The following LINGO2 variants were observed in gnomAD, a reference collection of about 807,000 sequenced individuals.
LINGO2 encodes the protein leucine rich repeat and Ig domain containing 2.
A neutral mutation model predicts 30.6 loss-of-function variants in LINGO2; 14 were observed. The observed-to-expected ratio is 0.46, with a 90% CI of 0.30 to 0.72. The LOEUF (loss-of-function observed/expected upper bound fraction) is 0.72. LINGO2 is among the 30% of genes least tolerant of loss of function. The probability of loss-of-function intolerance (pLI) is 0.07; values close to 1 mark genes in which losing one functional copy is unlikely to be tolerated. For missense variants in LINGO2, 729 were observed against 751.7 expected, an observed-to-expected ratio of 0.97 and a Z score of 0.35; for synonymous variants, 317 against 288.5, an observed-to-expected ratio of 1.10 and a Z score of -1.00.
chr9:28,553,204 T>A (rs1457499201), intron 1 of LINGO2, among the ~76,000 whole-genome samples: 3 of 152,008 alleles, frequency 2.0e-5, no homozygotes, highest in East Asian at 1.9e-4. Context: ...TACTCTGAGC[T>A]AAGGGAGGAC....
intron 4 of LINGO2, among the ~76,000 whole-genome samples, chr9:28,056,258 C>T (rs1824938396): frequency 6.6e-6 from 1 of 151,974 alleles, no homozygotes; most frequent in Non-Finnish European, 1.5e-5. Flanking sequence ...GCACTTGGGG[C>T]GTGACTGCCC....
the LINGO2 span, chr9:27,940,138 T>G: frequency 6.6e-6 from 1 of 152,284 alleles, no homozygotes; most frequent in Non-Finnish European, 1.5e-5. Context: ...CTTTTTTTAT[T>G]TTTTAAATTT....
the LINGO2 span, among the ~76,000 whole-genome samples, chr9:29,115,636 T>C: frequency 6.6e-6 from 1 of 152,016 alleles, no homozygotes; most frequent in Admixed American, 6.6e-5. Flanking sequence ...AAGGTTAACA[T>C]TGTTAATATT....
At chr9:28,814,174 C>A in the LINGO2 span, among the ~76,000 whole-genome samples, 1 of 152,200 alleles carries the variant, frequency 6.6e-6, no homozygotes, top group Non-Finnish European at 1.5e-5. Flanking sequence ...TGCTTTGGCT[C>A]ATGCCTGTAA....
the LINGO2 span, among the ~76,000 whole-genome samples, chr9:28,750,240 G>T: frequency 6.6e-6 from 1 of 152,146 alleles, no homozygotes; most frequent in Non-Finnish European, 1.5e-5. Context: ...AGTTATGAAA[G>T]CTGAGAGTAG....
the LINGO2 span, among the ~76,000 whole-genome samples, chr9:28,809,805 T>C: frequency 1.4e-4 from 22 of 152,032 alleles, no homozygotes; most frequent in African/African-American, 5.3e-4. Flanking sequence ...TTTCATGTCT[T>C]GCAATTGAGC....
intron 1 of LINGO2, among the ~76,000 whole-genome samples, chr9:28,497,473 C>T (rs1006029058): frequency 1.3e-5 from 2 of 152,172 alleles, no homozygotes; most frequent in East Asian, 1.9e-4. Flanking sequence ...CTTGTGCATT[C>T]GTCATGTAGT....
the LINGO2 span, among the ~76,000 whole-genome samples, chr9:28,779,562 G>A: frequency 3.3e-5 from 5 of 152,152 alleles, no homozygotes; most frequent in Non-Finnish European, 7.4e-5. Context: ...GATAGTCAAT[G>A]AGTTTATAAG....
chr9:28,886,711 C>G, the LINGO2 span, among the ~76,000 whole-genome samples: 1 of 152,036 alleles, frequency 6.6e-6, no homozygotes. Flanking sequence ...ATAATTTATT[C>G]TAATGAGGCT....
At chr9:28,733,190 C>T in the LINGO2 span, among the ~76,000 whole-genome samples, 11 of 151,888 alleles carry the variant, frequency 7.2e-5, no homozygotes, top group Admixed American at 3.9e-4. Context: ...ATTGCTTATC[C>T]GTTGCAAAAC....
the LINGO2 span, among the ~76,000 whole-genome samples, chr9:28,893,619 T>TAC: frequency 1.5e-5 from 1 of 68,846 alleles, no homozygotes; most frequent in African/African-American, 4.6e-5. Flanking sequence ...GAAGAAAATA[T>TAC]CTTATTGTTT....
intron 4 of LINGO2, among the ~76,000 whole-genome samples, chr9:28,043,388 T>C (rs1824278423): frequency 6.6e-6 from 1 of 152,124 alleles, no homozygotes; most frequent in Admixed American, 6.5e-5. Flanking sequence ...ACTGTACACA[T>C]TGAGGAAGAT....
chr9:28,643,782 C>T (rs1322959628), intron 1 of LINGO2, among the ~76,000 whole-genome samples: 3 of 151,818 alleles, frequency 2.0e-5, no homozygotes, highest in Non-Finnish European at 4.4e-5. Context: ...TGCGAACTAC[C>T]CATCTGACAA....
intron 4 of LINGO2, among the ~76,000 whole-genome samples, chr9:28,019,362 A>T (rs756249223): frequency 6.6e-6 from 1 of 151,708 alleles, no homozygotes; most frequent in African/African-American, 2.4e-5. Flanking sequence ...GCAAACACAT[A>T]ATAAAAGCTC....
chr9:28,330,092 A>G (rs1342491245), intron 3 of LINGO2, among the ~76,000 whole-genome samples: 2 of 152,148 alleles, frequency 1.3e-5, no homozygotes, highest in African/African-American at 4.8e-5. Flanking sequence ...TGATGGAATT[A>G]GTAACTTTAT....
At position 28,287,429 on chromosome 9, in the gene LINGO2, T is replaced by G. The variant is rs1439181303; in HGVS notation, c.-87+7779A>C. 2.6e-5 allele frequency among the ~76,000 whole-genome samples: 4 copies of G among 152,230 alleles called. No individual in the cohort carries two copies. The South Asian group carries it at 8.3e-4, about 31-fold the overall frequency. On this transcript the variant is annotated intron_variant, in intron 4 of 5. Transcript: ENST00000379992. ...TCTTCTTTAGGCTCCTTCCTCCAGTTATTTTCTATATCCTTAAAATATCCC... is the reference window on the plus strand; with the variant it reads ...TCTTCTTTAGGCTCCTTCCTCCAGTGATTTTCTATATCCTTAAAATATCCC...
intron 1 of LINGO2, among the ~76,000 whole-genome samples, chr9:28,632,871 TATATATATGTAGAGAG>T (rs1827055637): frequency 9.3e-6 from 1 of 107,634 alleles, no homozygotes; most frequent in Non-Finnish European, 1.8e-5. Flanking sequence ...TATATATATA[TATATATATGTAGAGAG>T]AGAGAGAGAG....
At position 28,465,363 on chromosome 9, in the gene LINGO2, C is replaced by T. The variant is rs1026539093; in HGVS notation, c.-279+10577G>A. ...CTGAACTCCTCTCTGACCGTTGTCT[C>T]TGATGTCCAGCTGCTTCTTCTCCTC... On this transcript the variant is annotated intron_variant, in intron 2 of 5. Transcript: ENST00000379992. Among the ~76,000 whole-genome samples the T allele has an allele frequency of 5.3e-5, 8 of 152,326 alleles. No individual in the cohort carries two copies. In the South Asian group the frequency reaches 6.2e-4, roughly 12 times the overall value.
At chr9:27,962,571 C>T (rs1234760246) in intron 5 of LINGO2, among the ~76,000 whole-genome samples, 1 of 152,094 alleles carries the variant, frequency 6.6e-6, no homozygotes, top group Non-Finnish European at 1.5e-5. Context: ...TGTCCTTCAG[C>T]TAGGCAAAAG....
Sources: allele counts gnomAD v4.1 joint callset (sites outside exome capture counted in the v4.1 genomes callset), GRCh38; gene constraint gnomAD v4.1.1; transcripts MANE v1.5; gene names NCBI Gene and HGNC (gene_info 2026-07-23, HGNC 2026-07-21).